The following DOP1B variants were observed in gnomAD, a reference collection of about 807,000 sequenced individuals.
The protein encoded by DOP1B is protein DOP1B.
A neutral mutation model predicts 233.5 loss-of-function variants in DOP1B; 174 were observed. The ratio of observed to expected loss-of-function variants is 0.75; its 90% confidence interval spans 0.66 to 0.85. The LOEUF (loss-of-function observed/expected upper bound fraction) is 0.85. Among genes scored for constraint, DOP1B ranks in the 40% least tolerant of loss-of-function variants. The pLI is 0.00. For synonymous variants in DOP1B, 1,190 were observed against 1,185.6 expected, an observed-to-expected ratio of 1.00 and a Z score of -0.08; for missense variants, 2,652 against 2,846.6, an observed-to-expected ratio of 0.93 and a Z score of 1.56.
chr21:36,188,806 G>A (rs966905760), intron 2 of DOP1B, among the ~76,000 whole-genome samples: 1 of 152,142 alleles, frequency 6.6e-6, no homozygotes, highest in Non-Finnish European at 1.5e-5. Context: ...TAGGGTGACT[G>A]TCTCTTCTAG....
At chr21:36,260,266 G>GGAAAGAAAGAAA (rs72427881) in intron 23 of DOP1B, among the ~76,000 whole-genome samples, 3 of 124,786 alleles carry the variant, frequency 2.4e-5, no homozygotes, top group African/African-American at 1.2e-4. Flanking sequence ...AAGGAAGGAA[G>GGAAAGAAAGAAA]GAAAGAAAGA....
intron 1 of DOP1B, among the ~76,000 whole-genome samples, chr21:36,159,548 C>T (rs920408274): frequency 1.5e-4 from 23 of 152,214 alleles, no homozygotes; most frequent in African/African-American, 5.3e-4. Context: ...CCCCATATTT[C>T]GAAATAAAGG....
At chr21:36,171,185 A>T (rs151279321) in intron 2 of DOP1B, among the ~76,000 whole-genome samples, 62 of 152,336 alleles carry the variant, frequency 4.1e-4, no homozygotes, top group African/African-American at 1.5e-3. Flanking sequence ...TCATGAGCAG[A>T]GCCTCCAGCC....
intron 2 of DOP1B, among the ~76,000 whole-genome samples, chr21:36,176,485 A>G (rs552554467): frequency 2.9e-4 from 44 of 152,090 alleles, no homozygotes; most frequent in African/African-American, 9.7e-4. Flanking sequence ...TTAGAGCGTG[A>G]CACCTAAATT....
intron 18 of DOP1B, among the ~76,000 whole-genome samples, chr21:36,241,503 C>CTTTTTTTTTTT (rs1165636640): frequency 1.3e-5 from 1 of 76,472 alleles, no homozygotes. Flanking sequence ...TTATCTTAAT[C>CTTTTTTTTTTT]TTTTTTTTTT....
intron 35 of DOP1B, among the ~76,000 whole-genome samples, chr21:36,290,659 G>T (rs968766868): frequency 2.0e-5 from 3 of 152,056 alleles, no homozygotes; most frequent in African/African-American, 7.2e-5. Flanking sequence ...GCATGGTGGC[G>T]TATGCCTGTA....
In DOP1B at chr21:36,223,263, T is replaced by C. The variant is rs767455893; in HGVS notation, c.1283T>C (p.Ile428Thr). 1.9e-6 allele frequency: 3 copies of C among 1,608,076 alleles called. No homozygotes were observed. The highest frequency in any genetic ancestry group is 2.5e-6 in the Non-Finnish European group (3 of 1,178,628). ...AIKENRNASE[I>T]VKTVNLLITS... ...AAGGAAAACAGAAATGCCTCTGAGA[T>C]TGTCAAAACGGTAAATTTGCTGATA... The change falls in exon 11 of 37, where the codon ATT (isoleucine) becomes ACT (threonine). Residue 428 changes from isoleucine to threonine, a missense_variant. Ile to Thr is a moderately conservative substitution (Grantham distance 89, BLOSUM62 -1). Transcript: ENST00000691173.
chr21:36,237,971 C>T (rs562302505), intron 16 of DOP1B, among the ~76,000 whole-genome samples: 4 of 152,164 alleles, frequency 2.6e-5, no homozygotes, highest in African/African-American at 4.8e-5. Context: ...AGTTTGAGAC[C>T]AGCCTGGGCA....
intron 6 of DOP1B, 57 bp downstream of exon 6, chr21:36,211,708 A>G (rs1457325437): frequency 3.8e-6 from 6 of 1,559,246 alleles, no homozygotes; most frequent in Middle Eastern, 1.7e-4. Flanking sequence ...GGTGGGATAT[A>G]GATCTCAAGC....
intron 22 of DOP1B, 71 bp from the exon 23 acceptor site, chr21:36,253,701 A>G (rs1279619589): frequency 3.2e-6 from 5 of 1,540,884 alleles, no homozygotes; most frequent in African/African-American, 1.4e-5. Flanking sequence ...GTAGAATACA[A>G]TAAGGATGTG....
At chr21:36,291,815 T>C (rs1341337331) in intron 35 of DOP1B, among the ~76,000 whole-genome samples, 1 of 152,148 alleles carries the variant, frequency 6.6e-6, no homozygotes, top group Non-Finnish European at 1.5e-5. Context: ...ATTCTGCTTA[T>C]ATGGAATGTC....
chr21:36,201,345 C>CTGTTTTTTTTTTTTTTTTTTTTTT (rs2066363623), intron 4 of DOP1B, among the ~76,000 whole-genome samples: 1 of 83,290 alleles, frequency 1.2e-5, no homozygotes, highest in Non-Finnish European at 2.2e-5. Flanking sequence ...CTATTGGATT[C>CTGTTTTTTTTTTTTTTTTTTTTTT]TTTTTTTTTT....
intron 1 of DOP1B, among the ~76,000 whole-genome samples, chr21:36,159,005 A>G (rs8128931): frequency 0.83 from 125,047 of 150,818 alleles, 51,941 homozygotes; most frequent in Non-Finnish European, 0.87. Flanking sequence ...TGTGGCGGGC[A>G]CCTGTAATCC....
chr21:36,189,561 G>A (rs1247110555), intron 2 of DOP1B, among the ~76,000 whole-genome samples: 2 of 152,010 alleles, frequency 1.3e-5, no homozygotes, highest in Non-Finnish European at 2.9e-5. Context: ...GTGAAACCCC[G>A]TAGCTGGGCG....
Position 36,288,776 on chromosome 21 carries a change from TGAA to T in DOP1B, c.6324_6326del (p.Glu2108del), listed in dbSNP as rs779495484. On this transcript the variant is annotated inframe_deletion, in exon 34 of 37. Coordinates refer to ENST00000691173, the MANE Select transcript of DOP1B (RefSeq NM_001320714.2). ...TTCAGATTCAGACATTCACACAGCTTGAAGAAGATCTAAAAGATGAAGATGAGT... is the reference window on the plus strand; with the variant it reads ...TTCAGATTCAGACATTCACACAGCTTGAAGATCTAAAAGATGAAGATGAGT... 7.4e-6 allele frequency: 12 copies of T among 1,613,362 alleles called. No homozygotes were observed. The highest frequency in any genetic ancestry group is 2.7e-5 in the African/African-American group (2 of 74,876).
Position 36,246,334 on chromosome 21 carries a change from G to C in DOP1B, c.4354G>C (p.Glu1452Gln). The change falls in exon 19 of 37, where the codon GAA becomes CAA. Residue 1452 changes from glutamate (E) to glutamine (Q), a missense_variant. Transcript: ENST00000691173. This position sits in a 1 kb window ranked among gnomAD's most constrained non-coding sequence, Gnocchi z 5.1. ...LKLLQVLIVLEHHLGRAHEEA... is the reference protein window; with the variant it reads ...LKLLQVLIVLQHHLGRAHEEA... Reference sequence around the variant, plus strand: ...GCTGCTGCAGGTGCTGATTGTCTTGGAACACCACCTGGGTCGGGCCCATGA... The same window carrying C: ...GCTGCTGCAGGTGCTGATTGTCTTGCAACACCACCTGGGTCGGGCCCATGA... The C allele has an allele frequency of 6.2e-7, 1 of 1,613,860 alleles. No individual in the cohort carries two copies. The highest frequency in any genetic ancestry group is 8.5e-7 in the Non-Finnish European group (1 of 1,180,000).
chr21:36,244,594 T>G (rs2066932853), intron 18 of DOP1B, among the ~76,000 whole-genome samples: 2 of 151,898 alleles, frequency 1.3e-5, no homozygotes, highest in African/African-American at 4.8e-5. Context: ...CCAGCTAACT[T>G]TTTGTATTTT....
intron 10 of DOP1B, among the ~76,000 whole-genome samples, chr21:36,221,852 A>G (rs1025902631): frequency 6.6e-6 from 1 of 152,128 alleles, no homozygotes; most frequent in Non-Finnish European, 1.5e-5. Flanking sequence ...CTGGGATTAC[A>G]GGCATCAGCC....
At chr21:36,227,660 G>T in intron 12 of DOP1B, 26 bp from the exon 13 acceptor site, 1 of 1,473,788 alleles carries the variant, frequency 6.8e-7, no homozygotes, top group Non-Finnish European at 9.1e-7. Flanking sequence ...AACATTGTGG[G>T]GTTAACCTAC....
Sources: allele counts gnomAD v4.1 joint callset (sites outside exome capture counted in the v4.1 genomes callset), GRCh38; gene constraint gnomAD v4.1.1; non-coding constraint Gnocchi (gnomAD v3.1); transcripts MANE v1.5; gene names NCBI Gene and HGNC (gene_info 2026-07-23, HGNC 2026-07-21).